The following SKAP1 variants were observed in gnomAD, a reference collection of about 807,000 sequenced individuals.
The protein encoded by SKAP1 is src kinase-associated phosphoprotein 1.
A neutral mutation model predicts 58.5 loss-of-function variants in SKAP1; 44 were observed. The observed-to-expected ratio is 0.75, with a 90% CI of 0.59 to 0.97. The LOEUF (loss-of-function observed/expected upper bound fraction) is 0.97, where lower values mean the gene tolerates loss of function less well. SKAP1 is among the 50% of genes least tolerant of loss of function. The pLI, the probability that SKAP1 is intolerant of heterozygous loss-of-function variation, is 0.00. For missense variants in SKAP1, 390 were observed against 435.2 expected, an observed-to-expected ratio of 0.90 and a Z score of 0.92; for synonymous variants, 127 against 149.7, an observed-to-expected ratio of 0.85 and a Z score of 1.11.
At chr17:48,402,669 C>T (rs924369747) in intron 1 of SKAP1, among the ~76,000 whole-genome samples, 3 of 151,964 alleles carry the variant, frequency 2.0e-5, no homozygotes, top group African/African-American at 7.3e-5. Context: ...TGGAAACAAC[C>T]CAAATATCCA....
intron 2 of SKAP1, among the ~76,000 whole-genome samples, chr17:48,376,951 G>C (rs1475982289): frequency 6.6e-6 from 1 of 152,152 alleles, no homozygotes; most frequent in Non-Finnish European, 1.5e-5. Context: ...GGGTCACAGA[G>C]AGGCCAGGCC....
At chr17:48,279,490 AT>A (rs1345977865) in intron 4 of SKAP1, among the ~76,000 whole-genome samples, 6 of 152,242 alleles carry the variant, frequency 3.9e-5, no homozygotes, top group Non-Finnish European at 8.8e-5. Context: ...AGGACTTTGC[AT>A]GTTAAAAATC....
upstream of SKAP1, among the ~76,000 whole-genome samples, chr17:48,435,146 T>C (rs561940147): frequency 2.6e-5 from 4 of 152,218 alleles, 1 homozygote; most frequent in African/African-American, 7.2e-5. Context: ...CTGAAATAAA[T>C]AAATAAATAG....
intron 9 of SKAP1, among the ~76,000 whole-genome samples, chr17:48,172,962 G>A (rs937896133): frequency 2.6e-5 from 4 of 152,122 alleles, no homozygotes; most frequent in African/African-American, 9.7e-5. Flanking sequence ...GATCACTTGA[G>A]CCCAAGAGTT....
intron 4 of SKAP1, among the ~76,000 whole-genome samples, chr17:48,190,851 G>A (rs759540594): frequency 6.6e-6 from 1 of 152,094 alleles, no homozygotes; most frequent in Non-Finnish European, 1.5e-5. Context: ...CGGGCATGGT[G>A]GCACACACCT....
upstream of SKAP1, among the ~76,000 whole-genome samples, chr17:48,434,950 C>T (rs536926903): frequency 3.9e-4 from 60 of 152,118 alleles, no homozygotes; most frequent in Non-Finnish European, 6.6e-4. Context: ...AGACCAGCCT[C>T]GGCAACATAG....
intron 4 of SKAP1, among the ~76,000 whole-genome samples, chr17:48,228,998 G>A (rs774910977): frequency 6.6e-6 from 1 of 152,078 alleles, no homozygotes; most frequent in South Asian, 2.1e-4. Flanking sequence ...GCTCAGAGAG[G>A]AGACCTCTCT....
At chr17:48,356,118 G>T (rs2066873067) in intron 3 of SKAP1, among the ~76,000 whole-genome samples, 1 of 152,098 alleles carries the variant, frequency 6.6e-6, no homozygotes, top group Admixed American at 6.5e-5. Context: ...GCTGCGCATG[G>T]TGGCTCATGC....
intron 1 of SKAP1, among the ~76,000 whole-genome samples, chr17:48,411,704 T>A (rs1204022914): frequency 6.6e-6 from 1 of 152,048 alleles, no homozygotes; most frequent in African/African-American, 2.4e-5. Context: ...GGGACGAAAA[T>A]AGCACTTTTC....
intron 4 of SKAP1, among the ~76,000 whole-genome samples, chr17:48,253,387 A>G (rs183645420): frequency 6.6e-6 from 1 of 152,180 alleles, no homozygotes; most frequent in African/African-American, 2.4e-5. Context: ...AAGAACAGAG[A>G]TGGTTTTCCA....
At chr17:48,424,712 A>G (rs1031762643) in intron 1 of SKAP1, among the ~76,000 whole-genome samples, 3 of 150,856 alleles carry the variant, frequency 2.0e-5, no homozygotes, top group African/African-American at 7.3e-5. Context: ...AGGCAGGCGG[A>G]TCACGAGGTC....
chr17:48,153,582 G>A (rs906011845), intron 11 of SKAP1, among the ~76,000 whole-genome samples: 4 of 152,062 alleles, frequency 2.6e-5, no homozygotes, highest in African/African-American at 7.2e-5. Context: ...GGGTGGTGGG[G>A]ACAGCTTCTG....
intron 3 of SKAP1, among the ~76,000 whole-genome samples, chr17:48,351,949 C>A (rs1018472066): frequency 1.3e-5 from 2 of 151,778 alleles, no homozygotes; most frequent in African/African-American, 4.8e-5. Context: ...TTGAAAAGTT[C>A]TTTTTTTCTT....
At chr17:48,372,760 C>A (rs2067102962) in intron 2 of SKAP1, among the ~76,000 whole-genome samples, 1 of 152,202 alleles carries the variant, frequency 6.6e-6, no homozygotes, top group Non-Finnish European at 1.5e-5. Context: ...CCTGCCTCAG[C>A]CTCCGAAGTA....
intron 4 of SKAP1, among the ~76,000 whole-genome samples, chr17:48,190,403 C>T (rs116944299): frequency 1.3e-5 from 2 of 152,138 alleles, no homozygotes; most frequent in African/African-American, 2.4e-5. Flanking sequence ...TGAGCCACTG[C>T]GCCCAGCCAA....
intron 8 of SKAP1, among the ~76,000 whole-genome samples, chr17:48,180,529 T>C (rs575740011): frequency 6.6e-6 from 1 of 152,112 alleles, no homozygotes; most frequent in East Asian, 1.9e-4. Context: ...GGTGTGTGAA[T>C]GAGAACATGA....
the SKAP1 span, among the ~76,000 whole-genome samples, chr17:48,435,464 A>C: frequency 7.2e-5 from 11 of 152,330 alleles, no homozygotes; most frequent in Non-Finnish European, 1.2e-4. Flanking sequence ...CTGTGTAGCT[A>C]ATCTGCATGA....
rs548777105 is a variant in SKAP1 at position 48,134,920 on chromosome 17, T to A, written c.*8-1104A>T. Among the ~76,000 whole-genome samples the A allele has an allele frequency of 2.6e-5, 4 of 152,214 alleles. No homozygotes were observed. The East Asian group carries it at 7.7e-4, about 29-fold the overall frequency. ...GGTTTCACCATGTTGGTGAGGCCGGTCCCGAACTCCTGACCTCAAGTGATC... is the reference window on the plus strand; with the variant it reads ...GGTTTCACCATGTTGGTGAGGCCGGACCCGAACTCCTGACCTCAAGTGATC... On this transcript the variant is annotated intron_variant, in intron 12 of 12. Coordinates refer to ENST00000336915, the MANE Select transcript of SKAP1 (RefSeq NM_003726.4).
chr17:48,221,576 C>T, intron 4 of SKAP1, among the ~76,000 whole-genome samples: 1 of 152,154 alleles, frequency 6.6e-6, no homozygotes, highest in African/African-American at 2.4e-5. Flanking sequence ...TGGTTTAAAC[C>T]TTCAAGTACT....
Sources: gnomAD v4.1 joint callset for allele counts (sites outside exome capture counted in the v4.1 genomes callset) on GRCh38, gnomAD v4.1.1 for gene constraint, MANE v1.5 for transcripts, NCBI Gene and HGNC (gene_info 2026-07-23, HGNC 2026-07-21) for gene names.